CCSER1: variants seen among roughly 807,000 people sequenced by gnomAD.
CCSER1 encodes the protein coiled-coil serine rich protein 1.
CCSER1 carries 41 observed loss-of-function variants against 82.0 expected under a neutral mutation model. The ratio of observed to expected loss-of-function variants is 0.50; its 90% confidence interval spans 0.39 to 0.65. CCSER1 has a LOEUF of 0.65. Ranked by LOEUF, CCSER1 falls within the 30% of genes least tolerant of loss-of-function variation. The pLI is 0.00. For synonymous variants in CCSER1, 414 were observed against 383.9 expected, an observed-to-expected ratio of 1.08 and a Z score of -0.92; for missense variants, 1,119 against 1,064.2, an observed-to-expected ratio of 1.05 and a Z score of -0.72.
At chr4:91,147,550 C>T (rs2148943955) in intron 10 of CCSER1, among the ~76,000 whole-genome samples, 1 of 152,298 alleles carries the variant, frequency 6.6e-6, no homozygotes, top group Middle Eastern at 3.4e-3. Context: ...GTGGGGGCTC[C>T]TCCTCCAATA....
rs1485391584 is a variant in CCSER1 at position 91,540,518 on chromosome 4, CTT to C, written c.2218-58053_2218-58052del. ...GAATGTGAGGCTTCTCTTTTATTCT[CTT>C]GATATTGTCTTTTGCAAAGCAAAAG... On this transcript the variant is annotated intron_variant, in intron 10 of 10. Coordinates refer to ENST00000509176, the MANE Select transcript of CCSER1 (RefSeq NM_001145065.2). Among the ~76,000 whole-genome samples, 3 of 152,026 alleles carry C rather than the reference CTT, an allele frequency of 2.0e-5. No individual in the cohort carries two copies. In the East Asian group the frequency reaches 5.8e-4, roughly 29 times the overall value.
At chr4:90,636,139 C>A (rs943337134) in intron 6 of CCSER1, among the ~76,000 whole-genome samples, 2 of 151,856 alleles carry the variant, frequency 1.3e-5, no homozygotes, top group African/African-American at 4.8e-5. Context: ...ATCCTGCAGA[C>A]ATCAACATGA....
At chr4:90,460,995 A>G (rs889581653) in intron 4 of CCSER1, among the ~76,000 whole-genome samples, 2 of 151,360 alleles carry the variant, frequency 1.3e-5, no homozygotes, top group African/African-American at 4.9e-5. Flanking sequence ...GTTTATTTCA[A>G]TAGTGCTGTC....
chr4:91,441,270 C>A (rs996283985), intron 10 of CCSER1, among the ~76,000 whole-genome samples: 1 of 152,004 alleles, frequency 6.6e-6, no homozygotes, highest in Non-Finnish European at 1.5e-5. Flanking sequence ...AGCTTATCCA[C>A]CATGATCAAG....
intron 10 of CCSER1, among the ~76,000 whole-genome samples, chr4:91,508,158 C>T (rs940028377): frequency 0.057 from 1,899 of 33,080 alleles, no homozygotes; most frequent in Middle Eastern, 0.11. Context: ...TTTTTTTTTT[C>T]TGGGTTTTTT....
intron 1 of CCSER1, among the ~76,000 whole-genome samples, chr4:90,208,508 T>C (rs1251621606): frequency 6.6e-6 from 1 of 151,644 alleles, no homozygotes; most frequent in Non-Finnish European, 1.5e-5. Flanking sequence ...TCCAGGGGCG[T>C]GAACGGTTTT....
At position 91,335,519 on chromosome 4, in the gene CCSER1, A is replaced by G. The variant is rs970692287; in HGVS notation, c.2217+249525A>G. Among the ~76,000 whole-genome samples, 8 of 152,260 alleles carry G rather than the reference A, an allele frequency of 5.3e-5. No homozygotes were observed. The South Asian group carries it at 6.2e-4, about 12-fold the overall frequency. ...CATTTTACTTATTTTATTAGGAGAA[A>G]TAAGGCAATGTTGGAGAAAGAGACT... is the stretch of plus-strand genomic sequence containing the variant. On this transcript the variant is annotated intron_variant, in intron 10 of 10. Coordinates refer to ENST00000509176, the MANE Select transcript of CCSER1 (RefSeq NM_001145065.2).
At chr4:91,059,745 C>A (rs1410532085) in intron 9 of CCSER1, among the ~76,000 whole-genome samples, 1 of 151,922 alleles carries the variant, frequency 6.6e-6, no homozygotes, top group African/African-American at 2.4e-5. Context: ...AAAACTAATT[C>A]CACCTAGCAT....
At chr4:91,382,461 G>T (rs1750978019) in intron 10 of CCSER1, among the ~76,000 whole-genome samples, 1 of 152,196 alleles carries the variant, frequency 6.6e-6, no homozygotes, top group Non-Finnish European at 1.5e-5. Flanking sequence ...TCAGACTACT[G>T]TGCTAGCAAT....
intron 7 of CCSER1, among the ~76,000 whole-genome samples, chr4:90,791,700 A>G (rs1196178826): frequency 6.6e-6 from 1 of 151,812 alleles, no homozygotes; most frequent in Non-Finnish European, 1.5e-5. Context: ...AATACAAAAA[A>G]TTAGCCAGCT....
chr4:90,357,380 G>A (rs1352438965), intron 3 of CCSER1, among the ~76,000 whole-genome samples: 1 of 151,756 alleles, frequency 6.6e-6, no homozygotes, highest in African/African-American at 2.4e-5. Flanking sequence ...TTGATTTCCC[G>A]TGTAATGGTG....
In CCSER1 at chr4:91,476,474, G is replaced by T. The variant is rs539101992; in HGVS notation, c.2218-122098G>T. On this transcript the variant is annotated intron_variant, in intron 10 of 10. Transcript: ENST00000509176. ...TGTTAAGATGTCCATACCGCCCAAA[G>T]TGATCTACAGGTTCAGTGCAATCCC... 1.4e-4 allele frequency among the ~76,000 whole-genome samples: 21 copies of T among 151,658 alleles called. 2 individuals are homozygous for T. In the East Asian group the frequency reaches 4.1e-3, roughly 29 times the overall value.
At chr4:91,328,271 A>C (rs1386263904) in intron 10 of CCSER1, among the ~76,000 whole-genome samples, 1 of 152,190 alleles carries the variant, frequency 6.6e-6, no homozygotes, top group Admixed American at 6.5e-5. Flanking sequence ...ACTCACAGTT[A>C]CACAGGCTGT....
intron 1 of CCSER1, among the ~76,000 whole-genome samples, chr4:90,261,296 G>A (rs974686268): frequency 6.6e-6 from 1 of 151,912 alleles, no homozygotes; most frequent in Non-Finnish European, 1.5e-5. Context: ...TGGTTTGGTA[G>A]TGGCAAATAC....
intron 10 of CCSER1, among the ~76,000 whole-genome samples, chr4:91,488,435 G>T (rs772689073): frequency 1.3e-5 from 2 of 152,144 alleles, no homozygotes; most frequent in Middle Eastern, 3.2e-3. Flanking sequence ...AAGCCTTAGA[G>T]ATTGATATGG....
chr4:90,142,364 G>A (rs1381060503), intron 1 of CCSER1, among the ~76,000 whole-genome samples: 1 of 152,220 alleles, frequency 6.6e-6, no homozygotes, highest in Non-Finnish European at 1.5e-5. Flanking sequence ...AGCACTCTGA[G>A]TTGTGAGCAA....
In CCSER1 at chr4:90,924,965, G is replaced by A. The variant is rs1728871742; in HGVS notation, c.2172+1518G>A. The stretch of plus-strand genomic sequence containing the variant: ...TAGTCTCGAACTCCTTACCTCAAAT[G>A]ATCCACGCGCCTTAGCCTCCAAAAG... On this transcript the variant is annotated intron_variant, in intron 9 of 10. Transcript: ENST00000509176. 2.0e-5 allele frequency among the ~76,000 whole-genome samples: 3 copies of A among 152,254 alleles called. No individual in the cohort carries two copies. In the East Asian group the frequency reaches 5.8e-4, roughly 29 times the overall value.
chr4:91,556,663 T>A (rs568647634), intron 10 of CCSER1, among the ~76,000 whole-genome samples: 2 of 151,152 alleles, frequency 1.3e-5, no homozygotes, highest in Non-Finnish European at 3.0e-5. Context: ...CTCCATGATC[T>A]TAGGGTAGTT....
chr4:91,500,915 A>T (rs2110092917), intron 10 of CCSER1, among the ~76,000 whole-genome samples: 1 of 152,100 alleles, frequency 6.6e-6, no homozygotes, highest in African/African-American at 2.4e-5. Context: ...AAAGTGTTAG[A>T]TACTTACAAT....
Sources: allele counts gnomAD v4.1 joint callset (sites outside exome capture counted in the v4.1 genomes callset), GRCh38; gene constraint gnomAD v4.1.1; transcripts MANE v1.5; gene names NCBI Gene and HGNC (gene_info 2026-07-23, HGNC 2026-07-21).